The following AKAP19 variants were observed in gnomAD, a reference collection of about 807,000 sequenced individuals.
AKAP19 encodes A-kinase anchoring protein 19.
the AKAP19 span, among the ~76,000 whole-genome samples, chr2:190,153,356 T>C: frequency 6.6e-6 from 1 of 152,214 alleles, no homozygotes; most frequent in African/African-American, 2.4e-5. Context: ...TCTGAAAATA[T>C]AGAAATATAT....
chr2:190,063,265 G>A, the AKAP19 span, among the ~76,000 whole-genome samples: 1 of 151,998 alleles, frequency 6.6e-6, no homozygotes, highest in African/African-American at 2.4e-5. Context: ...TCTATAATTT[G>A]AGAAACTTGT....
chr2:190,018,118 C>T, the AKAP19 span, among the ~76,000 whole-genome samples: 6 of 152,134 alleles, frequency 3.9e-5, no homozygotes, highest in East Asian at 1.9e-4. Flanking sequence ...TCTTATGTGT[C>T]ATGGTGAACT....
chr2:189,900,464 G>A, the AKAP19 span, among the ~76,000 whole-genome samples: 2 of 151,960 alleles, frequency 1.3e-5, no homozygotes, highest in East Asian at 3.8e-4. Context: ...TCTTTGCTCA[G>A]CAAGCAAATA....
At chr2:190,055,446 T>A in the AKAP19 span, among the ~76,000 whole-genome samples, 1 of 152,072 alleles carries the variant, frequency 6.6e-6, no homozygotes, top group Admixed American at 6.5e-5. Flanking sequence ...AACCTGCACG[T>A]TGTGCACATG....
At chr2:190,008,382 A>G in the AKAP19 span, among the ~76,000 whole-genome samples, 2 of 152,196 alleles carry the variant, frequency 1.3e-5, no homozygotes, top group African/African-American at 4.8e-5. Context: ...TTATCCCAGT[A>G]TATACCTTTC....
At chr2:190,187,373 C>T in the AKAP19 span, among the ~76,000 whole-genome samples, 1 of 150,786 alleles carries the variant, frequency 6.6e-6, no homozygotes, top group Non-Finnish European at 1.5e-5. Flanking sequence ...GGGGAGTTAG[C>T]AGCCTATTCG....
chr2:189,962,778 T>A, the AKAP19 span, among the ~76,000 whole-genome samples: 1 of 152,148 alleles, frequency 6.6e-6, no homozygotes, highest in Admixed American at 6.6e-5. Context: ...TACATAACAT[T>A]TATTTTTAAA....
the AKAP19 span, among the ~76,000 whole-genome samples, chr2:189,907,972 C>A: frequency 4.0e-5 from 6 of 151,766 alleles, no homozygotes; most frequent in Non-Finnish European, 7.4e-5. Flanking sequence ...TAAAGGTTTG[C>A]CAATTTTGCT....
the AKAP19 span, among the ~76,000 whole-genome samples, chr2:189,919,164 A>T: frequency 1.3e-5 from 2 of 152,128 alleles, no homozygotes; most frequent in African/African-American, 2.4e-5. Flanking sequence ...GACAGGGGGG[A>T]CTACTGTATA....
chr2:190,182,442 C>T, the AKAP19 span, among the ~76,000 whole-genome samples: 1 of 152,158 alleles, frequency 6.6e-6, no homozygotes, highest in East Asian at 1.9e-4. Flanking sequence ...CTTTCAGATC[C>T]CTGAGCCTCA....
At chr2:190,186,231 C>A in the AKAP19 span, among the ~76,000 whole-genome samples, 1 of 152,180 alleles carries the variant, frequency 6.6e-6, no homozygotes, top group Admixed American at 6.5e-5. The surrounding 1 kb of genome is among the most constrained non-coding windows in gnomAD (Gnocchi z 5.5). Context: ...GGATTACAGG[C>A]GTGAGCCACC....
the AKAP19 span, among the ~76,000 whole-genome samples, chr2:190,150,682 T>C: frequency 1.3e-5 from 2 of 152,098 alleles, no homozygotes; most frequent in African/African-American, 4.8e-5. Flanking sequence ...TTCTGCAAAC[T>C]GCTCTGTCCG....
the AKAP19 span, among the ~76,000 whole-genome samples, chr2:190,088,605 CT>C: frequency 6.6e-6 from 1 of 151,942 alleles, no homozygotes; most frequent in East Asian, 1.9e-4. Context: ...GTTGTATAAA[CT>C]CATAAAGGCT....
the AKAP19 span, among the ~76,000 whole-genome samples, chr2:190,154,080 AT>A: frequency 0.012 from 1,803 of 152,278 alleles, 32 homozygotes; most frequent in African/African-American, 0.04. Context: ...TCAACACGAA[AT>A]TTCAGTATTA....
chr2:190,045,756 G>A, the AKAP19 span, among the ~76,000 whole-genome samples: 1 of 152,202 alleles, frequency 6.6e-6, no homozygotes, highest in African/African-American at 2.4e-5. Flanking sequence ...CTGCTCAGCA[G>A]CCTCAATTGA....
the AKAP19 span, among the ~76,000 whole-genome samples, chr2:189,996,653 G>C: frequency 6.6e-6 from 1 of 151,870 alleles, no homozygotes; most frequent in Non-Finnish European, 1.5e-5. Flanking sequence ...AGTCTTTTGG[G>C]GTGTTATAGA....
chr2:190,126,273 G>C, the AKAP19 span, among the ~76,000 whole-genome samples: 2 of 59,520 alleles, frequency 3.4e-5, no homozygotes, highest in Non-Finnish European at 6.6e-5. Flanking sequence ...CCTGGCAACA[G>C]AGCGAGATTC....
At chr2:190,134,211 G>A in the AKAP19 span, among the ~76,000 whole-genome samples, 13 of 152,132 alleles carry the variant, frequency 8.5e-5, no homozygotes, top group Non-Finnish European at 1.5e-4. Flanking sequence ...TAGGAAAGGT[G>A]TTTGAACTTA....
chr2:190,191,814 G>T, the AKAP19 span, among the ~76,000 whole-genome samples: 3 of 152,058 alleles, frequency 2.0e-5, no homozygotes, highest in Non-Finnish European at 4.4e-5. Flanking sequence ...AAACTGGGTT[G>T]TTGTCTTGCT....
Sources: allele counts gnomAD v4.1 joint callset (sites outside exome capture counted in the v4.1 genomes callset), GRCh38; gene constraint gnomAD v4.1.1; non-coding constraint Gnocchi (gnomAD v3.1); transcripts MANE v1.5; gene names NCBI Gene and HGNC (gene_info 2026-07-23, HGNC 2026-07-21).